ANO3: variants seen among roughly 807,000 people sequenced by gnomAD.
ANO3 encodes anoctamin-3.
A neutral mutation model predicts 144.8 loss-of-function variants in ANO3; 99 were observed. The ratio of observed to expected loss-of-function variants is 0.68; its 90% CI spans 0.58 to 0.81. The LOEUF is 0.81. Ranked by LOEUF, ANO3 falls within the 30% of genes least tolerant of loss-of-function variation. ANO3 has a pLI of 0.00. For missense variants in ANO3, 905 were observed against 1,202.2 expected (o/e 0.75, Z 3.66); for synonymous variants, 414 against 392.6 (o/e 1.05, Z -0.64).
intron 1 of ANO3, among the ~76,000 whole-genome samples, chr11:26,360,304 G>A (rs1224708094): frequency 6.6e-6 from 1 of 151,174 alleles, no homozygotes; most frequent in African/African-American, 2.4e-5. Context: ...ATCCATGGCT[G>A]AACTGAGGTT....
chr11:26,358,178 T>TA (rs1488144537), intron 1 of ANO3, among the ~76,000 whole-genome samples: 1 of 147,716 alleles, frequency 6.8e-6, no homozygotes, highest in Non-Finnish European at 1.5e-5. Context: ...AACTTTTTTT[T>TA]TTTTTTTTTT....
chr11:26,381,882 A>C (rs1156795204), intron 1 of ANO3, among the ~76,000 whole-genome samples: 1 of 152,206 alleles, frequency 6.6e-6, no homozygotes, highest in Non-Finnish European at 1.5e-5. Flanking sequence ...TTTAGAAGTA[A>C]ACATGAAATG....
At chr11:26,433,954 T>C (rs894171096) in intron 1 of ANO3, among the ~76,000 whole-genome samples, 1 of 152,170 alleles carries the variant, frequency 6.6e-6, no homozygotes, top group Non-Finnish European at 1.5e-5. Flanking sequence ...AATTTTTTGA[T>C]AGTTTCAGTA....
At chr11:26,304,344 T>C (rs1854314091) in intron 1 of ANO3, among the ~76,000 whole-genome samples, 1 of 152,158 alleles carries the variant, frequency 6.6e-6, no homozygotes, top group Non-Finnish European at 1.5e-5. Flanking sequence ...GATTTATATG[T>C]AATATAACTA....
chr11:26,516,737 G>T, intron 5 of ANO3, 90 bp from the exon 6 acceptor site: 1 of 843,422 alleles, frequency 1.2e-6, no homozygotes, highest in Non-Finnish European at 1.9e-6. Context: ...TAGTCAAGGG[G>T]ACAATGTTCT....
intron 3 of ANO3, among the ~76,000 whole-genome samples, chr11:26,446,623 CAG>C (rs1433673936): frequency 6.6e-6 from 1 of 152,184 alleles, no homozygotes; most frequent in African/African-American, 2.4e-5. Flanking sequence ...TTTTTCCAGC[CAG>C]CCATTGGTCA....
At chr11:26,195,913 G>A (rs1012242535) in intron 1 of ANO3, among the ~76,000 whole-genome samples, 2 of 152,104 alleles carry the variant, frequency 1.3e-5, no homozygotes, top group Non-Finnish European at 2.9e-5. Context: ...AAAAATGTGC[G>A]AAAAATACCT....
chr11:26,209,768 T>C (rs1172530825), intron 1 of ANO3, among the ~76,000 whole-genome samples: 2 of 152,220 alleles, frequency 1.3e-5, no homozygotes, highest in African/African-American at 2.4e-5. Context: ...TTCGTGTTTG[T>C]TGGCCACATA....
intron 1 of ANO3, among the ~76,000 whole-genome samples, chr11:26,407,205 A>T (rs1857312018): frequency 6.6e-6 from 1 of 151,154 alleles, no homozygotes; most frequent in African/African-American, 2.4e-5. Flanking sequence ...TGTTCCAGTT[A>T]GTCTTCTGAA....
rs368699709 is a variant in ANO3 at position 26,643,334 on chromosome 11, G to A, written c.2428G>A (p.Gly810Ser). 3.7e-6 allele frequency: 6 copies of A among 1,613,572 alleles called. No individual in the cohort carries two copies. The African/African-American group carries it at 8.0e-5, about 22-fold the overall frequency. ...RPLPARATDI[G>S]IWLGILEGIG... Reference sequence around the variant, plus strand: ...TTTGCCAGCCCGAGCAACTGACATAGGTAAGATTCGGAAGTTAAATGATTT... The same window carrying A: ...TTTGCCAGCCCGAGCAACTGACATAAGTAAGATTCGGAAGTTAAATGATTT... The change falls in exon 23 of 27, where the codon GGT (glycine) becomes AGT (serine). Residue 810 changes from glycine to serine, a missense_variant and splice_region_variant. Physicochemically the swap from Gly to Ser is moderately conservative, Grantham distance 56. Transcript: ENST00000256737.
chr11:26,433,424 T>A (rs1034244721), intron 1 of ANO3, among the ~76,000 whole-genome samples: 5 of 152,138 alleles, frequency 3.3e-5, no homozygotes, highest in African/African-American at 1.2e-4. Flanking sequence ...GGACTTCCAA[T>A]ACTATGTTGA....
At chr11:26,502,185 C>T (rs1174170578) in intron 4 of ANO3, among the ~76,000 whole-genome samples, 1 of 152,092 alleles carries the variant, frequency 6.6e-6, no homozygotes, top group Non-Finnish European at 1.5e-5. Flanking sequence ...TATTGGAAAA[C>T]AAGTAAAATC....
intron 1 of ANO3, among the ~76,000 whole-genome samples, chr11:26,391,291 G>A (rs1401085161): frequency 6.6e-6 from 1 of 151,954 alleles, no homozygotes; most frequent in South Asian, 2.1e-4. Flanking sequence ...CCACTCTCAT[G>A]ATGATTAACC....
At chr11:26,424,925 A>T (rs1387442026) in intron 1 of ANO3, among the ~76,000 whole-genome samples, 1 of 152,146 alleles carries the variant, frequency 6.6e-6, no homozygotes, top group Admixed American at 6.6e-5. Context: ...TCTAGGGTAC[A>T]TGTGCACAAC....
chr11:26,371,081 C>T (rs767259459), intron 1 of ANO3, among the ~76,000 whole-genome samples: 12 of 152,180 alleles, frequency 7.9e-5, no homozygotes, highest in Admixed American at 2.0e-4. Flanking sequence ...CCCCTCCCAT[C>T]GCAGGCCTGG....
At chr11:26,229,250 C>A (rs1318706812) in intron 1 of ANO3, among the ~76,000 whole-genome samples, 1 of 152,090 alleles carries the variant, frequency 6.6e-6, no homozygotes, top group Non-Finnish European at 1.5e-5. Flanking sequence ...TAAGTGTTTG[C>A]AAAACATGAT....
At chr11:26,410,747 G>T (rs961110716) in intron 1 of ANO3, among the ~76,000 whole-genome samples, 2 of 152,002 alleles carry the variant, frequency 1.3e-5, no homozygotes, top group African/African-American at 4.8e-5. Flanking sequence ...ACGAAAAGAA[G>T]GTTAACAGCT....
chr11:26,468,741 G>A (rs1438093573), intron 4 of ANO3, among the ~76,000 whole-genome samples: 1 of 151,968 alleles, frequency 6.6e-6, no homozygotes, highest in Non-Finnish European at 1.5e-5. Context: ...GTGAGATGGT[G>A]ATGACAAACT....
At chr11:26,556,615 G>T (rs1457411775) in intron 13 of ANO3, among the ~76,000 whole-genome samples, 1 of 152,162 alleles carries the variant, frequency 6.6e-6, no homozygotes. Flanking sequence ...TTCCTCAGGT[G>T]ACTCTAATTT....
Sources: allele counts gnomAD v4.1 joint callset (sites outside exome capture counted in the v4.1 genomes callset), GRCh38; gene constraint gnomAD v4.1.1; transcripts MANE v1.5; gene names NCBI Gene and HGNC (gene_info 2026-07-23, HGNC 2026-07-21).